The following NKAIN2 variants were observed in gnomAD, a reference collection of about 807,000 sequenced individuals.
The protein encoded by NKAIN2 is sodium/potassium transporting ATPase interacting 2, also known as sodium/potassium-transporting ATPase subunit beta-1-interacting protein 2.
NKAIN2 carries 14 observed loss-of-function variants against 32.6 expected under a neutral mutation model. That is an observed-to-expected ratio of 0.43 (90% confidence interval 0.28 to 0.67). The LOEUF (loss-of-function observed/expected upper bound fraction) is 0.67. Ranked by LOEUF, NKAIN2 falls within the 30% of genes least tolerant of loss-of-function variation. The pLI is 0.17. For synonymous variants in NKAIN2, 80 were observed against 87.2 expected (o/e 0.92, Z 0.46); for missense variants, 198 against 258.3 (o/e 0.77, Z 1.60).
intron 3 of NKAIN2, among the ~76,000 whole-genome samples, chr6:124,585,364 C>T (rs140237519): frequency 1.7e-3 from 256 of 152,106 alleles, no homozygotes; most frequent in Non-Finnish European, 2.5e-3. Context: ...TACAAAAATA[C>T]GGTGAGATAG....
chr6:124,213,489 G>T (rs1274664535), intron 1 of NKAIN2, among the ~76,000 whole-genome samples: 1 of 151,786 alleles, frequency 6.6e-6, no homozygotes. Flanking sequence ...CAGAAAAAAA[G>T]AATAAATAAA....
intron 1 of NKAIN2, among the ~76,000 whole-genome samples, chr6:124,242,965 C>T (rs763069657): frequency 2.0e-5 from 3 of 151,446 alleles, no homozygotes; most frequent in Non-Finnish European, 4.4e-5. Flanking sequence ...TGAAGTGAAC[C>T]ACCATGGCAT....
At chr6:124,323,756 T>G (rs1387611410) in intron 2 of NKAIN2, among the ~76,000 whole-genome samples, 1 of 151,514 alleles carries the variant, frequency 6.6e-6, no homozygotes, top group Non-Finnish European at 1.5e-5. Context: ...AAAGATTGAT[T>G]TAGCTGTTTC....
At chr6:124,481,427 G>A (rs1184993389) in intron 3 of NKAIN2, among the ~76,000 whole-genome samples, 2 of 151,648 alleles carry the variant, frequency 1.3e-5, no homozygotes, top group African/African-American at 2.4e-5. Flanking sequence ...CTACAAAATT[G>A]TCAGTTAAGA....
chr6:124,142,003 C>A (rs1389977718), intron 1 of NKAIN2, among the ~76,000 whole-genome samples: 1 of 152,146 alleles, frequency 6.6e-6, no homozygotes, highest in East Asian at 1.9e-4. Context: ...TTTCCCATCC[C>A]ATAGATGCCA....
chr6:124,800,059 A>G (rs957843184), intron 5 of NKAIN2, among the ~76,000 whole-genome samples: 1 of 152,224 alleles, frequency 6.6e-6, no homozygotes, highest in African/African-American at 2.4e-5. Flanking sequence ...ACAACAAATG[A>G]GAGCAAGACA....
At chr6:124,660,460 T>G (rs1056142371) in intron 4 of NKAIN2, among the ~76,000 whole-genome samples, 4 of 152,192 alleles carry the variant, frequency 2.6e-5, no homozygotes, top group Non-Finnish European at 5.9e-5. Context: ...GAAAAGATAA[T>G]TTTCCTTAAG....
chr6:124,132,124 G>C (rs1786512055), intron 1 of NKAIN2, among the ~76,000 whole-genome samples: 1 of 152,104 alleles, frequency 6.6e-6, no homozygotes, highest in African/African-American at 2.4e-5. Context: ...AGCTGGGTGA[G>C]GCCTTTCACT....
rs545701182 is a variant in NKAIN2, at chr6:124,343,293, G to C, written c.193-11974G>C. Among the ~76,000 whole-genome samples, 11 of 151,896 alleles carry C rather than the reference G, an allele frequency of 7.2e-5. No homozygotes were observed. In the South Asian group the frequency reaches 8.4e-4, roughly 12 times the overall value. On this transcript the variant is annotated intron_variant, in intron 2 of 6. Coordinates refer to ENST00000368417, the MANE Select transcript of NKAIN2 (RefSeq NM_001040214.3). ...GTGAATAGTGCCGAAATAAACATAC[G>C]TGTGCATGTGTCTTTATAGCAGCAT...
intron 1 of NKAIN2, among the ~76,000 whole-genome samples, chr6:123,934,176 G>A (rs1324692170): frequency 2.0e-5 from 3 of 152,150 alleles, no homozygotes; most frequent in African/African-American, 7.2e-5. Flanking sequence ...AGCATTAGAA[G>A]ATCTTTATAA....
intron 1 of NKAIN2, among the ~76,000 whole-genome samples, chr6:124,129,939 T>C (rs963294583): frequency 6.6e-6 from 1 of 152,174 alleles, no homozygotes; most frequent in Admixed American, 6.5e-5. Context: ...TTTTTTAAAC[T>C]TTTTTATAAT....
At chr6:124,705,673 T>C (rs975621573) in intron 4 of NKAIN2, among the ~76,000 whole-genome samples, 2 of 152,106 alleles carry the variant, frequency 1.3e-5, no homozygotes, top group Admixed American at 6.6e-5. Context: ...TTTCAAAATC[T>C]ATAAAAACAA....
intron 3 of NKAIN2, among the ~76,000 whole-genome samples, chr6:124,414,228 T>G (rs974498588): frequency 6.6e-6 from 1 of 152,144 alleles, no homozygotes; most frequent in Admixed American, 6.5e-5. Context: ...TTGTCAACAG[T>G]TTTTATCGGA....
intron 1 of NKAIN2, among the ~76,000 whole-genome samples, chr6:124,146,893 A>G (rs1344904397): frequency 6.6e-6 from 1 of 152,034 alleles, no homozygotes; most frequent in Non-Finnish European, 1.5e-5. Flanking sequence ...TGTTTCAGAG[A>G]AAAGAAAGTA....
intron 3 of NKAIN2, among the ~76,000 whole-genome samples, chr6:124,519,679 A>G (rs577523943): frequency 6.6e-6 from 1 of 152,328 alleles, no homozygotes; most frequent in East Asian, 1.9e-4. Context: ...AAGAATTAAT[A>G]AATACCTATT....
In NKAIN2 at chr6:124,214,736, G is replaced by A. The variant is rs60484773; in HGVS notation, c.55-68269G>A. 2.5e-3 allele frequency among the ~76,000 whole-genome samples: 375 copies of A among 152,136 alleles called. 1 individual carries two copies. Among genetic ancestry groups the A allele is most frequent in the African/African-American group, 8.7e-3 (362 of 41,538 alleles). ...CAACAAACAAACAAACCTTGTACAC[G>A]TCTATTTCTACAGCAAATGGGCTTC... is the stretch of plus-strand genomic sequence containing the variant. On this transcript the variant is annotated intron_variant, in intron 1 of 6. Coordinates refer to ENST00000368417, the MANE Select transcript of NKAIN2 (RefSeq NM_001040214.3).
At chr6:124,593,204 T>TG (rs1781971805) in intron 3 of NKAIN2, among the ~76,000 whole-genome samples, 3 of 50,300 alleles carry the variant, frequency 6.0e-5, no homozygotes, top group Non-Finnish European at 1.2e-4. Context: ...AGATGAGAGT[T>TG]TTGTGTGTGT....
chr6:124,462,054 C>T (rs1238562821), intron 3 of NKAIN2, among the ~76,000 whole-genome samples: 3 of 151,844 alleles, frequency 2.0e-5, no homozygotes, highest in Non-Finnish European at 4.4e-5. Flanking sequence ...AATATTTCAG[C>T]ACATTTTAAT....
chr6:124,613,533 C>T (rs928750439), intron 3 of NKAIN2, among the ~76,000 whole-genome samples: 1 of 152,104 alleles, frequency 6.6e-6, no homozygotes, highest in African/African-American at 2.4e-5. Flanking sequence ...GATATTGTTT[C>T]TTATGGTAAA....
Sources: allele counts gnomAD v4.1 joint callset (sites outside exome capture counted in the v4.1 genomes callset), GRCh38; gene constraint gnomAD v4.1.1; transcripts MANE v1.5; gene names NCBI Gene and HGNC (gene_info 2026-07-23, HGNC 2026-07-21).